The following MAGI2 variants were observed in gnomAD, a reference collection of about 807,000 sequenced individuals.
The protein encoded by MAGI2 is membrane associated guanylate kinase, WW and PDZ domain containing 2.
In MAGI2, 35 loss-of-function variants were observed where a neutral mutation model predicts 133.3. The observed-to-expected ratio is 0.26, with a 90% CI of 0.20 to 0.35. The LOEUF (loss-of-function observed/expected upper bound fraction) is 0.35. Ranked by LOEUF, MAGI2 falls within the 10% of genes least tolerant of loss-of-function variation. The probability of loss-of-function intolerance (pLI) is 1.00; values close to 1 mark genes in which losing one functional copy is unlikely to be tolerated. For missense variants in MAGI2, 1,636 were observed against 1,863.4 expected (o/e 0.88, Z 2.25); for synonymous variants, 729 against 710.6 (o/e 1.03, Z -0.41).
At chr7:79,418,518 C>T (rs996417809) in intron 1 of MAGI2, among the ~76,000 whole-genome samples, 2 of 152,004 alleles carry the variant, frequency 1.3e-5, no homozygotes, top group Non-Finnish European at 2.9e-5. Context: ...AGATAGATTT[C>T]AGATCATTAC....
chr7:78,602,465 A>C (rs919420527), intron 3 of MAGI2, among the ~76,000 whole-genome samples: 4 of 151,428 alleles, frequency 2.6e-5, no homozygotes, highest in African/African-American at 9.7e-5. Context: ...CGGCCGATTA[A>C]ATATTCTTTT....
At chr7:78,568,301 T>C (rs1009841349) in intron 3 of MAGI2, 3 of 152,206 alleles carry the variant, frequency 2.0e-5, no homozygotes, top group Admixed American at 1.3e-4. Flanking sequence ...TTTATGTCCC[T>C]AGCTCCAAGC....
chr7:79,153,303 C>T (rs1159167281), intron 1 of MAGI2, among the ~76,000 whole-genome samples: 1 of 152,038 alleles, frequency 6.6e-6, no homozygotes, highest in East Asian at 1.9e-4. Context: ...ATTGAATGCC[C>T]ACCAGGCTCT....
chr7:78,391,265 C>T (rs1444228740), intron 6 of MAGI2, among the ~76,000 whole-genome samples: 1 of 152,154 alleles, frequency 6.6e-6, no homozygotes, highest in African/African-American at 2.4e-5. Flanking sequence ...AAGATATCAA[C>T]ATACAGTTAA....
At chr7:79,259,147 C>T (rs528055981) in intron 1 of MAGI2, among the ~76,000 whole-genome samples, 2 of 152,288 alleles carry the variant, frequency 1.3e-5, no homozygotes, top group South Asian at 4.1e-4. Context: ...TGAAAGGATG[C>T]ACTCAATGAA....
chr7:79,093,955 C>T (rs1460294898), intron 1 of MAGI2, among the ~76,000 whole-genome samples: 8 of 151,888 alleles, frequency 5.3e-5, no homozygotes, highest in Admixed American at 5.2e-4. Flanking sequence ...CCTCAGGTGA[C>T]CCGCCTGCCT....
chr7:79,153,717 G>A (rs1823496908), intron 1 of MAGI2, among the ~76,000 whole-genome samples: 1 of 152,196 alleles, frequency 6.6e-6, no homozygotes. Flanking sequence ...TATCACAAGA[G>A]TTACAGGACC....
intron 6 of MAGI2, among the ~76,000 whole-genome samples, chr7:78,419,425 A>T (rs62468774): frequency 0.086 from 13,003 of 151,998 alleles, 734 homozygotes; most frequent in Middle Eastern, 0.13. Flanking sequence ...AAGGAGACAC[A>T]GGACTAATAA....
chr7:79,161,475 C>T (rs183853646), intron 1 of MAGI2, among the ~76,000 whole-genome samples: 48 of 152,090 alleles, frequency 3.2e-4, no homozygotes, highest in Non-Finnish European at 5.7e-4. Flanking sequence ...GAATGTTATC[C>T]GAAGCTACCC....
intron 2 of MAGI2, among the ~76,000 whole-genome samples, chr7:78,745,984 A>G (rs1822891830): frequency 6.6e-6 from 1 of 152,152 alleles, no homozygotes; most frequent in Admixed American, 6.5e-5. Flanking sequence ...CTAAGTTCTC[A>G]TTCATTATCT....
intron 1 of MAGI2, among the ~76,000 whole-genome samples, chr7:79,444,854 C>T (rs571152669): frequency 6.6e-6 from 1 of 152,270 alleles, no homozygotes; most frequent in South Asian, 2.1e-4. Context: ...CCTGCATTGC[C>T]AAGTCAATCC....
chr7:79,102,456 A>T (rs1818065507), intron 1 of MAGI2, among the ~76,000 whole-genome samples: 1 of 152,184 alleles, frequency 6.6e-6, no homozygotes, highest in African/African-American at 2.4e-5. Context: ...TTCTTACCAA[A>T]ATCCATAACA....
At chr7:79,050,871 T>A (rs1812613308) in intron 1 of MAGI2, among the ~76,000 whole-genome samples, 1 of 148,202 alleles carries the variant, frequency 6.7e-6, no homozygotes, top group Non-Finnish European at 1.5e-5. Flanking sequence ...CAGCCTCTGA[T>A]GTGTGGAAGC....
chr7:78,886,532 G>T (rs1796284694), intron 2 of MAGI2, among the ~76,000 whole-genome samples: 1 of 152,072 alleles, frequency 6.6e-6, no homozygotes, highest in African/African-American at 2.4e-5. Context: ...TCTAGGCAAG[G>T]GGAAACTTCT....
intron 6 of MAGI2, among the ~76,000 whole-genome samples, chr7:78,374,653 A>G (rs1448318193): frequency 1.3e-5 from 2 of 151,922 alleles, no homozygotes; most frequent in Non-Finnish European, 2.9e-5. Context: ...TTTTGCATCT[A>G]TGTTCATCAG....
chr7:78,043,900 C>T (rs746377130), intron 21 of MAGI2, among the ~76,000 whole-genome samples: 1 of 152,080 alleles, frequency 6.6e-6, no homozygotes, highest in Non-Finnish European at 1.5e-5. Context: ...TGATTTTTGC[C>T]AGACTTTCAC....
rs140095751 is a variant in MAGI2 at position 78,582,509 on chromosome 7, G to C, written c.538+44611C>G. 3.0e-3 allele frequency among the ~76,000 whole-genome samples: 461 copies of C among 152,296 alleles called. 2 individuals are homozygous for C. The highest frequency in any genetic ancestry group is 0.01 in the African/African-American group (423 of 41,574). On this transcript the variant is annotated intron_variant, in intron 3 of 21. Transcript: ENST00000354212. ...TTCCAGGCCTAAGTCATAGCAATTT[G>C]CTAGACCATCCTTTACCCTTTTCCC... is the stretch of plus-strand genomic sequence containing the variant.
chr7:79,302,776 G>A (rs1268348900), intron 1 of MAGI2, among the ~76,000 whole-genome samples: 1 of 152,158 alleles, frequency 6.6e-6, no homozygotes, highest in Non-Finnish European at 1.5e-5. Context: ...CTTGACAATG[G>A]AAGCAGCATG....
intron 6 of MAGI2, among the ~76,000 whole-genome samples, chr7:78,376,926 A>T (rs1415959446): frequency 3.9e-5 from 6 of 152,236 alleles, no homozygotes; most frequent in South Asian, 2.1e-4. Flanking sequence ...ATTTCTAGTA[A>T]TCTGTAGAAA....
Sources: allele counts gnomAD v4.1 joint callset (sites outside exome capture counted in the v4.1 genomes callset), GRCh38; gene constraint gnomAD v4.1.1; transcripts MANE v1.5; gene names NCBI Gene and HGNC (gene_info 2026-07-23, HGNC 2026-07-21).